MINDY2: variants seen among roughly 807,000 people sequenced by gnomAD.
MINDY2 encodes MINDY lysine 48 deubiquitinase 2.
A neutral mutation model predicts 68.2 loss-of-function variants in MINDY2; 52 were observed. That is an observed-to-expected ratio of 0.76 (90% CI 0.61 to 0.96). The LOEUF (loss-of-function observed/expected upper bound fraction) is 0.96, where lower values mean the gene tolerates loss of function less well. Among genes scored for constraint, MINDY2 ranks in the 40% least tolerant of loss-of-function variants. The probability of loss-of-function intolerance (pLI) is 0.00; values close to 1 mark genes in which losing one functional copy is unlikely to be tolerated. For missense variants in MINDY2, 881 were observed against 773.4 expected, an observed-to-expected ratio of 1.14 and a Z score of -1.65; for synonymous variants, 372 against 303.0, an observed-to-expected ratio of 1.23 and a Z score of -2.36.
chr15:58,789,345 A>T (rs1901731786), intron 2 of MINDY2, among the ~76,000 whole-genome samples: 1 of 152,198 alleles, frequency 6.6e-6, no homozygotes, highest in Admixed American at 6.5e-5. Flanking sequence ...CTCAAAAACA[A>T]AAGAATCTTA....
intron 4 of MINDY2, 136 bp from the exon 5 acceptor site, chr15:58,821,581 T>G: frequency 2.8e-6 from 1 of 356,024 alleles, no homozygotes; most frequent in East Asian, 5.4e-5. Context: ...TTGATTTTAG[T>G]GCTGATTTTG....
intron 1 of MINDY2, among the ~76,000 whole-genome samples, chr15:58,778,061 A>G (rs79510174): frequency 0.01 from 1,549 of 152,270 alleles, 39 homozygotes; most frequent in African/African-American, 0.035. Context: ...TATATAACAT[A>G]TATATTTTAG....
chr15:58,820,620 C>T (rs765668427), intron 4 of MINDY2, among the ~76,000 whole-genome samples: 6 of 152,050 alleles, frequency 3.9e-5, no homozygotes, highest in Admixed American at 6.6e-5. Flanking sequence ...TAAATTATAG[C>T]ATAGAATGGT....
chr15:58,774,359 C>G (rs1900638995), intron 1 of MINDY2, among the ~76,000 whole-genome samples: 1 of 152,014 alleles, frequency 6.6e-6, no homozygotes, highest in African/African-American at 2.4e-5. Flanking sequence ...TGGTGGGCAC[C>G]TGTAATCCCA....
intron 1 of MINDY2, among the ~76,000 whole-genome samples, chr15:58,773,018 T>C (rs1900540946): frequency 6.6e-6 from 1 of 152,210 alleles, no homozygotes; most frequent in Non-Finnish European, 1.5e-5. Flanking sequence ...GCGAGTTACC[T>C]GTCAAATGAA....
Position 58,811,064 on chromosome 15 carries a change from G to A in MINDY2, c.1122+676G>A, listed in dbSNP as rs185819856. On this transcript the variant is annotated intron_variant, in intron 4 of 8. Transcript: ENST00000559228. ...ATGTGGTTCAAGGGATCCATCATTAGTATAAACTGCAGGTGTGGCCCAAGG... is the reference window on the plus strand; with the variant it reads ...ATGTGGTTCAAGGGATCCATCATTAATATAAACTGCAGGTGTGGCCCAAGG... Among the ~76,000 whole-genome samples the A allele has an allele frequency of 3.9e-5, 6 of 152,330 alleles. No individual in the cohort carries two copies. In the East Asian group the frequency reaches 1.2e-3, roughly 29 times the overall value.
At chr15:58,842,902 CACTTTCAACTTG>C (rs2076857773) in intron 6 of MINDY2, among the ~76,000 whole-genome samples, 1 of 152,066 alleles carries the variant, frequency 6.6e-6, no homozygotes, top group African/African-American at 2.4e-5. Context: ...CTTTCAAGTC[CACTTTCAACTTG>C]ACTTTCAAGT....
intron 1 of MINDY2, among the ~76,000 whole-genome samples, chr15:58,785,135 CAAAAAAAAAAAAAA>C (rs397719705): frequency 1.5e-5 from 1 of 68,470 alleles, no homozygotes; most frequent in South Asian, 5.3e-4. Flanking sequence ...TGAAGGAAAG[CAAAAAAAAAAAAAA>C]AAAAAAAAAG....
chr15:58,844,644 G>A (rs938583203), intron 6 of MINDY2, among the ~76,000 whole-genome samples: 84 of 150,572 alleles, frequency 5.6e-4, no homozygotes, highest in African/African-American at 1.9e-3. Context: ...CAGGCCAGGC[G>A]CGGTGGCTCA....
Position 58,829,738 on chromosome 15 carries a change from C to G in MINDY2, c.1226-2036C>G, listed in dbSNP as rs145534040. Reference sequence around the variant, plus strand: ...GAAGTTGCAAGTATTCAATGAATTTCTTTTGGCTGTAGACCTCTTTATAGT... The same window carrying G: ...GAAGTTGCAAGTATTCAATGAATTTGTTTTGGCTGTAGACCTCTTTATAGT... On this transcript the variant is annotated intron_variant, in intron 5 of 8. Coordinates refer to ENST00000559228, the MANE Select transcript of MINDY2 (RefSeq NM_001040450.3). Among the ~76,000 whole-genome samples, 441 of 152,282 alleles carry G rather than the reference C, an allele frequency of 2.9e-3. 4 individuals carry two copies. Among genetic ancestry groups the G allele is most frequent in the African/African-American group, 9.9e-3 (410 of 41,570 alleles).
intron 6 of MINDY2, among the ~76,000 whole-genome samples, chr15:58,837,353 G>A (rs768397954): frequency 9.2e-5 from 14 of 151,724 alleles, no homozygotes; most frequent in South Asian, 4.2e-4. Flanking sequence ...CTGGACAGTC[G>A]CTTGAGGCCC....
chr15:58,808,704 A>G (rs1337334086), intron 3 of MINDY2, among the ~76,000 whole-genome samples: 1 of 152,156 alleles, frequency 6.6e-6, no homozygotes, highest in Non-Finnish European at 1.5e-5. Flanking sequence ...TGCTGGGTTC[A>G]TGCCATTCTC....
intron 1 of MINDY2, among the ~76,000 whole-genome samples, chr15:58,786,769 T>A (rs1346025625): frequency 6.6e-6 from 1 of 152,196 alleles, no homozygotes; most frequent in Non-Finnish European, 1.5e-5. Context: ...CTATAACTCC[T>A]TCTGTTACCA....
chr15:58,798,941 G>T (rs2140946537), intron 2 of MINDY2, among the ~76,000 whole-genome samples: 1 of 152,270 alleles, frequency 6.6e-6, no homozygotes, highest in Non-Finnish European at 1.5e-5. Context: ...AGCTAGCAAA[G>T]CCCTGAGGAA....
At chr15:58,838,725 TACAGGCGGGTACCA>T (rs2032128131) in intron 6 of MINDY2, among the ~76,000 whole-genome samples, 1 of 151,446 alleles carries the variant, frequency 6.6e-6, no homozygotes, top group Non-Finnish European at 1.5e-5. Context: ...TAGTTGGGAT[TACAGGCGGGTACCA>T]CCACTCCTGG....
intron 8 of MINDY2, among the ~76,000 whole-genome samples, chr15:58,853,639 T>G (rs896892705): frequency 2.6e-5 from 4 of 151,684 alleles, no homozygotes; most frequent in Non-Finnish European, 5.9e-5. Flanking sequence ...GCCAATATGA[T>G]GAAACCCTGT....
At chr15:58,787,838 C>A in intron 1 of MINDY2, 68 bp from the exon 2 acceptor site, 1 of 1,009,508 alleles carries the variant, frequency 9.9e-7, no homozygotes, top group Non-Finnish European at 1.5e-6. Flanking sequence ...ATTTGTGTTT[C>A]TGACTGCAAG....
At chr15:58,853,593 G>C (rs182806553) in intron 8 of MINDY2, among the ~76,000 whole-genome samples, 1 of 152,002 alleles carries the variant, frequency 6.6e-6, no homozygotes, top group Non-Finnish European at 1.5e-5. Context: ...GGCCAAGACA[G>C]GTGGATCTCG....
At chr15:58,803,517 CA>C (rs1902813236) in intron 3 of MINDY2, among the ~76,000 whole-genome samples, 1 of 146,902 alleles carries the variant, frequency 6.8e-6, no homozygotes, top group Non-Finnish European at 1.5e-5. Flanking sequence ...TGCATTATAT[CA>C]TAAGATAGGA....
Sources: allele counts gnomAD v4.1 joint callset (sites outside exome capture counted in the v4.1 genomes callset), GRCh38; gene constraint gnomAD v4.1.1; transcripts MANE v1.5; gene names NCBI Gene and HGNC (gene_info 2026-07-23, HGNC 2026-07-21).